ITGB5: variants seen among roughly 807,000 people sequenced by gnomAD.
The protein encoded by ITGB5 is integrin beta-5.
ITGB5 carries 38 observed loss-of-function variants against 84.8 expected under a neutral mutation model. The observed-to-expected ratio is 0.45, with a 90% confidence interval of 0.35 to 0.59. ITGB5 has a LOEUF of 0.59. Ranked by LOEUF, ITGB5 falls within the 20% of genes least tolerant of loss-of-function variation. The pLI is 0.01. For synonymous variants in ITGB5, 393 were observed against 414.4 expected (o/e 0.95, Z 0.63); for missense variants, 905 against 1,034.5 (o/e 0.87, Z 1.72).
intron 8 of ITGB5, chr3:124,809,390 T>C: frequency 2.0e-6 from 1 of 511,082 alleles, no homozygotes; most frequent in Admixed American, 3.2e-5. Context: ...TTGGAGAAGT[T>C]GATAGTGGTT....
At chr3:124,801,360 A>G (rs1417538309) in intron 9 of ITGB5, among the ~76,000 whole-genome samples, 1 of 152,140 alleles carries the variant, frequency 6.6e-6, no homozygotes, top group Non-Finnish European at 1.5e-5. Flanking sequence ...TGGGGCTTTC[A>G]AGGTTTGATT....
intron 10 of ITGB5, among the ~76,000 whole-genome samples, chr3:124,785,763 G>C (rs953344543): frequency 6.6e-6 from 1 of 152,108 alleles, no homozygotes; most frequent in Non-Finnish European, 1.5e-5. Context: ...CTCCAGGCCT[G>C]GTTCACTGTG....
intron 5 of ITGB5, among the ~76,000 whole-genome samples, chr3:124,828,981 G>A (rs2064822248): frequency 6.6e-6 from 1 of 152,154 alleles, no homozygotes; most frequent in Non-Finnish European, 1.5e-5. Flanking sequence ...TAGGGTTGTT[G>A]AGAGAATTAA....
intron 5 of ITGB5, among the ~76,000 whole-genome samples, chr3:124,836,963 G>T (rs2064943290): frequency 6.6e-6 from 1 of 152,186 alleles, no homozygotes; most frequent in South Asian, 2.1e-4. Context: ...GAATACAAAG[G>T]ATAAGTGCCA....
At chr3:124,897,965 G>A (rs1021436999) in intron 1 of ITGB5, among the ~76,000 whole-genome samples, 1 of 152,178 alleles carries the variant, frequency 6.6e-6, no homozygotes. Context: ...GAAATGAGGT[G>A]CAGTAATACC....
rs61748097 is a variant in ITGB5, at chr3:124,796,623, C to T, written c.1458G>A (p.Leu486=). The T allele has an allele frequency of 1.2e-6, 2 of 1,614,134 alleles. No homozygotes were observed. Among genetic ancestry groups the T allele is most frequent in the Non-Finnish European group, 1.7e-6 (2 of 1,180,020 alleles). The stretch of plus-strand genomic sequence containing the variant: ...CCAGGTAGCCGGGGCTGCACTCACA[C>T]AGGCCGCAGACATAGGTCCCGCTCC... ...CNGSGTYVCG[L]CECSPGYLGT... Residue 486 remains leucine (L), a synonymous_variant, in exon 10 of 15, where the codon CTG becomes CTA. Coordinates refer to ENST00000296181, the MANE Select transcript of ITGB5 (RefSeq NM_002213.5).
chr3:124,837,848 AG>A (rs1374495587), intron 5 of ITGB5, among the ~76,000 whole-genome samples: 1 of 152,236 alleles, frequency 6.6e-6, no homozygotes, highest in African/African-American at 2.4e-5. Flanking sequence ...TCCAGGGCAC[AG>A]GGTCAGGGGA....
At chr3:124,884,365 T>C (rs926620343) in intron 1 of ITGB5, among the ~76,000 whole-genome samples, 5 of 152,106 alleles carry the variant, frequency 3.3e-5, no homozygotes, top group African/African-American at 2.4e-5. Context: ...GCCAGTGCCA[T>C]GGCTTGCTCC....
chr3:124,785,584 CAA>C (rs11372347), intron 10 of ITGB5, among the ~76,000 whole-genome samples: 66 of 95,058 alleles, frequency 6.9e-4, no homozygotes, highest in South Asian at 3.1e-3. Flanking sequence ...GACTCCATCT[CAA>C]AAAAAAAAAA....
intron 14 of ITGB5, 43 bp downstream of exon 14, chr3:124,764,343 GCCTCT>G: frequency 6.4e-7 from 1 of 1,568,118 alleles, no homozygotes; most frequent in South Asian, 1.1e-5. Flanking sequence ...ACTCAACCAC[GCCTCT>G]GAGCTTGAAG....
intron 10 of ITGB5, among the ~76,000 whole-genome samples, chr3:124,786,449 G>A (rs2064083158): frequency 6.6e-6 from 1 of 151,828 alleles, no homozygotes; most frequent in Non-Finnish European, 1.5e-5. Flanking sequence ...AGTTTTGCCT[G>A]TTGCTAAAGG....
chr3:124,805,402 C>T (rs573737874), intron 9 of ITGB5, among the ~76,000 whole-genome samples: 5 of 151,922 alleles, frequency 3.3e-5, no homozygotes, highest in Admixed American at 1.3e-4. Context: ...CTCAGTCTCC[C>T]AAAATGCTAG....
At chr3:124,889,382 A>G (rs998334242), upstream of ITGB5, among the ~76,000 whole-genome samples, 7 of 152,128 alleles carry the variant, frequency 4.6e-5, no homozygotes, top group African/African-American at 1.7e-4. Flanking sequence ...GCCTTACAAA[A>G]CCAAACCAAT....
intron 5 of ITGB5, among the ~76,000 whole-genome samples, chr3:124,830,509 A>C (rs2107577269): frequency 6.6e-6 from 1 of 152,350 alleles, no homozygotes; most frequent in South Asian, 2.1e-4. Flanking sequence ...CAAAAGCACC[A>C]ATGGATGACT....
In ITGB5 at chr3:124,856,355, G is replaced by C. The variant is rs575060007; in HGVS notation, c.361+2887C>G. On this transcript the variant is annotated intron_variant, in intron 3 of 14. Transcript: ENST00000296181. ...GTGATGCAACTCTTGTCTAAGTTAAGTCTATCCTGAAGAAGAGAGACTTGC... is the reference window on the plus strand; with the variant it reads ...GTGATGCAACTCTTGTCTAAGTTAACTCTATCCTGAAGAAGAGAGACTTGC... 1.4e-4 allele frequency among the ~76,000 whole-genome samples: 22 copies of C among 152,302 alleles called. 1 individual carries two copies. Among genetic ancestry groups the C allele is most frequent in the East Asian group, 9.6e-4 (5 of 5,184 alleles).
At chr3:124,897,188 G>A (rs532189127) in intron 1 of ITGB5, among the ~76,000 whole-genome samples, 1 of 152,132 alleles carries the variant, frequency 6.6e-6, no homozygotes, top group Admixed American at 6.6e-5. Context: ...CTTCCTTTGT[G>A]AAGCCTTCCA....
intron 1 of ITGB5, among the ~76,000 whole-genome samples, chr3:124,899,485 G>A (rs1935176923): frequency 6.6e-6 from 1 of 152,108 alleles, no homozygotes; most frequent in Admixed American, 6.5e-5. Flanking sequence ...CAGCTGATTA[G>A]AGAATGGAGA....
chr3:124,826,868 T>C (rs2064790948), intron 5 of ITGB5, among the ~76,000 whole-genome samples: 1 of 152,194 alleles, frequency 6.6e-6, no homozygotes, highest in Non-Finnish European at 1.5e-5. Context: ...ATGTAAATGG[T>C]GTTAACAAAC....
chr3:124,818,501 G>A (rs2064642541), intron 7 of ITGB5, among the ~76,000 whole-genome samples: 1 of 121,462 alleles, frequency 8.2e-6, no homozygotes, highest in Non-Finnish European at 1.6e-5. Flanking sequence ...AAGTGCATAG[G>A]CTTTTTTTTT....
Sources: gnomAD v4.1 joint callset for allele counts (sites outside exome capture counted in the v4.1 genomes callset) on GRCh38, gnomAD v4.1.1 for gene constraint, MANE v1.5 for transcripts, NCBI Gene and HGNC (gene_info 2026-07-23, HGNC 2026-07-21) for gene names.